The following FHIT variants were observed in gnomAD, a reference collection of about 807,000 sequenced individuals.
FHIT encodes fragile histidine triad diadenosine triphosphatase, also known as bis(5'-adenosyl)-triphosphatase.
FHIT carries 19 observed loss-of-function variants against 17.9 expected under a neutral mutation model. The observed-to-expected ratio is 1.06, with a 90% confidence interval of 0.74 to 1.56. The LOEUF is 1.56. Ranked by LOEUF, FHIT falls within the 40% of genes most tolerant of loss-of-function variation. The pLI is 0.00. For missense variants in FHIT, 248 were observed against 189.2 expected, an observed-to-expected ratio of 1.31 and a Z score of -1.82; for synonymous variants, 81 against 69.7, an observed-to-expected ratio of 1.16 and a Z score of -0.81.
chr3:60,835,694 T>C (rs1702512590), intron 3 of FHIT, among the ~76,000 whole-genome samples: 1 of 152,182 alleles, frequency 6.6e-6, no homozygotes, highest in Non-Finnish European at 1.5e-5. Flanking sequence ...CACAACCTTC[T>C]ATAGCCTCAA....
intron 5 of FHIT, among the ~76,000 whole-genome samples, chr3:60,090,753 C>T (rs1050615887): frequency 1.3e-5 from 2 of 152,104 alleles, no homozygotes; most frequent in African/African-American, 4.8e-5. Context: ...TGCCACCAGT[C>T]AGGCCACACA....
At chr3:60,139,543 C>G (rs1699948551) in intron 5 of FHIT, among the ~76,000 whole-genome samples, 1 of 152,114 alleles carries the variant, frequency 6.6e-6, no homozygotes, top group East Asian at 1.9e-4. Context: ...TTCTTAGAAG[C>G]CTTGCACAAT....
chr3:60,009,167 G>A (rs1469671833), intron 7 of FHIT, among the ~76,000 whole-genome samples: 1 of 7,386 alleles, frequency 1.4e-4, no homozygotes, highest in African/African-American at 4.2e-4. Flanking sequence ...GGGATTTTAT[G>A]TGTGTGTGTG....
chr3:61,203,108 AGGC>A (rs1250197080), intron 1 of FHIT, among the ~76,000 whole-genome samples: 2 of 145,258 alleles, frequency 1.4e-5, no homozygotes, highest in African/African-American at 2.5e-5. Flanking sequence ...TGAACCTGGG[AGGC>A]GGGGCTTGCA....
intron 5 of FHIT, among the ~76,000 whole-genome samples, chr3:60,283,686 C>A (rs1423175809): frequency 6.6e-6 from 1 of 152,042 alleles, no homozygotes; most frequent in Non-Finnish European, 1.5e-5. Flanking sequence ...TTCTAACAAT[C>A]ATGTAAGGCT....
intron 5 of FHIT, among the ~76,000 whole-genome samples, chr3:60,181,958 T>C (rs568812775): frequency 5.9e-5 from 9 of 152,256 alleles, no homozygotes; most frequent in Admixed American, 2.0e-4. Context: ...ATCCGAAATA[T>C]GCAACAGCCT....
intron 5 of FHIT, among the ~76,000 whole-genome samples, chr3:60,026,761 T>C (rs1043443830): frequency 2.6e-5 from 4 of 152,158 alleles, no homozygotes; most frequent in Non-Finnish European, 5.9e-5. Flanking sequence ...TTTCAAGCTA[T>C]GTTTAGACAG....
At chr3:59,964,766 A>G (rs1027054633) in intron 7 of FHIT, among the ~76,000 whole-genome samples, 3 of 152,192 alleles carry the variant, frequency 2.0e-5, no homozygotes, top group African/African-American at 7.2e-5. Flanking sequence ...TCTAATGTGC[A>G]TAAACAGAAA....
chr3:60,812,681 G>T (rs1375637944), intron 4 of FHIT, among the ~76,000 whole-genome samples: 2 of 151,904 alleles, frequency 1.3e-5, no homozygotes, highest in Non-Finnish European at 2.9e-5. Context: ...ATACCATAAA[G>T]ATGTTCATTT....
chr3:61,192,677 C>T (rs1175140526), intron 2 of FHIT, among the ~76,000 whole-genome samples: 2 of 152,126 alleles, frequency 1.3e-5, no homozygotes, highest in Non-Finnish European at 2.9e-5. Context: ...TATGTGGCCT[C>T]CTTTGAGCAA....
At chr3:60,644,044 G>C (rs782236915) in intron 4 of FHIT, among the ~76,000 whole-genome samples, 1 of 152,174 alleles carries the variant, frequency 6.6e-6, no homozygotes, top group African/African-American at 2.4e-5. Flanking sequence ...TCCCATGGCT[G>C]GTAGAGCTTG....
chr3:60,253,753 A>G (rs981971484), intron 5 of FHIT, among the ~76,000 whole-genome samples: 1 of 152,220 alleles, frequency 6.6e-6, no homozygotes, highest in Non-Finnish European at 1.5e-5. Flanking sequence ...TTATCAGCCA[A>G]TATGTCCTCC....
intron 8 of FHIT, among the ~76,000 whole-genome samples, chr3:59,881,110 C>G (rs182627316): frequency 6.6e-6 from 1 of 152,118 alleles, no homozygotes; most frequent in Non-Finnish European, 1.5e-5. Context: ...GACGCTGTAC[C>G]TTTGGTGCCA....
chr3:59,945,713 T>C (rs1470156038), intron 7 of FHIT, among the ~76,000 whole-genome samples: 2 of 152,224 alleles, frequency 1.3e-5, no homozygotes, highest in African/African-American at 4.8e-5. Context: ...TATTTTTGCA[T>C]ACATTAAAAG....
intron 7 of FHIT, among the ~76,000 whole-genome samples, chr3:59,957,717 G>A (rs1363834963): frequency 6.6e-6 from 1 of 152,210 alleles, no homozygotes; most frequent in Non-Finnish European, 1.5e-5. Context: ...GAAGTGAAAT[G>A]TGATTAGCTA....
chr3:61,062,909 C>T (rs9850713), intron 2 of FHIT, among the ~76,000 whole-genome samples: 83,363 of 151,872 alleles, frequency 0.55, 24,016 homozygotes, highest in Non-Finnish European at 0.65. Context: ...TGCTGTGCTA[C>T]GCATTCCAAA....
rs148141992 is a variant in FHIT at position 61,102,852 on chromosome 3, T to C, written c.-163-60753A>G. Among the ~76,000 whole-genome samples, 114 of 152,364 alleles carry C rather than the reference T, an allele frequency of 7.5e-4. No homozygotes were observed. The East Asian group carries it at 0.02, about 27-fold the overall frequency. ...TAGTTTATTTGCATAGAGGTGTTTA[T>C]AGTACTCTCTGATGGTAGTTTGTAT... On this transcript the variant is annotated intron_variant, in intron 2 of 9. Transcript: ENST00000492590.
chr3:61,157,462 T>G (rs2037565242), intron 2 of FHIT, among the ~76,000 whole-genome samples: 1 of 152,070 alleles, frequency 6.6e-6, no homozygotes, highest in South Asian at 2.1e-4. Context: ...TAGTCAAAGT[T>G]AAGTGGTTCA....
At chr3:60,514,302 T>C (rs950336770) in intron 5 of FHIT, among the ~76,000 whole-genome samples, 1 of 152,232 alleles carries the variant, frequency 6.6e-6, no homozygotes, top group Non-Finnish European at 1.5e-5. Context: ...CCATGGGGCA[T>C]GCACAGGGCC....
Sources: gnomAD v4.1 joint callset for allele counts (sites outside exome capture counted in the v4.1 genomes callset) on GRCh38, gnomAD v4.1.1 for gene constraint, MANE v1.5 for transcripts, NCBI Gene and HGNC (gene_info 2026-07-23, HGNC 2026-07-21) for gene names.